TTC13: variants seen among roughly 807,000 people sequenced by gnomAD.
The protein encoded by TTC13 is tetratricopeptide repeat protein 13.
TTC13 carries 62 observed loss-of-function variants against 120.0 expected under a neutral mutation model. That is an observed-to-expected ratio of 0.52 (90% confidence interval 0.42 to 0.64). The LOEUF is 0.64. TTC13 is among the 30% of genes least tolerant of loss of function. The pLI, the probability that TTC13 is intolerant of heterozygous loss-of-function variation, is 0.00. For missense variants in TTC13, 824 were observed against 1,050.2 expected (o/e 0.78, Z 2.98); for synonymous variants, 384 against 393.5 (o/e 0.98, Z 0.28).
intron 1 of TTC13, among the ~76,000 whole-genome samples, chr1:230,977,391 G>GA (rs746522780): frequency 1.3e-5 from 2 of 152,174 alleles, no homozygotes; most frequent in Non-Finnish European, 2.9e-5. Flanking sequence ...CAGAGATACA[G>GA]AAAGTGACAG....
intron 9 of TTC13, among the ~76,000 whole-genome samples, chr1:230,932,467 C>T (rs1353135952): frequency 6.6e-6 from 1 of 152,114 alleles, no homozygotes; most frequent in African/African-American, 2.4e-5. Flanking sequence ...GGTTTAGAAA[C>T]CGGGTCTCAC....
intron 12 of TTC13, among the ~76,000 whole-genome samples, chr1:230,927,443 G>A (rs1219547701): frequency 2.6e-5 from 4 of 152,006 alleles, no homozygotes; most frequent in Admixed American, 1.3e-4. Flanking sequence ...AAAATCTCAT[G>A]AGGCCTTAAT....
rs199941027 is a variant in TTC13, at chr1:230,945,470, C to T, written c.514-16G>A. The T allele has an allele frequency of 2.0e-4, 324 of 1,612,740 alleles. No individual in the cohort carries two copies. Among genetic ancestry groups the T allele is most frequent in the Non-Finnish European group, 4.1e-5 (48 of 1,178,892 alleles). ...CAGGCTCCTCCTAGTCAGACCAAAA[C>T]AAAAACACGTCAAAAACCATAAACA... On this transcript the variant is annotated splice_polypyrimidine_tract_variant and intron_variant, in intron 4 of 22. Coordinates refer to ENST00000366661, the MANE Select transcript of TTC13 (RefSeq NM_024525.5).
At chr1:230,909,155 A>AT in intron 20 of TTC13, 135 bp from the exon 21 acceptor site, 1 of 703,472 alleles carries the variant, frequency 1.4e-6, no homozygotes, top group Non-Finnish European at 2.4e-6. Flanking sequence ...CGAATGTTTC[A>AT]TTTAACATGA....
chr1:230,923,777 C>T, intron 15 of TTC13, 64 bp downstream of exon 15: 3 of 1,404,322 alleles, frequency 2.1e-6, no homozygotes, highest in Non-Finnish European at 3.0e-6. Flanking sequence ...CTCCTGGTCT[C>T]CATGGCCTGT....
chr1:230,963,524 T>C (rs11485250), intron 1 of TTC13, among the ~76,000 whole-genome samples: 7,907 of 151,908 alleles, frequency 0.052, 384 homozygotes, highest in African/African-American at 0.13. Flanking sequence ...TAGTCCCAGC[T>C]ACCCAGAGGC....
chr1:230,938,266 G>A (rs957345054), intron 8 of TTC13, among the ~76,000 whole-genome samples: 7 of 152,254 alleles, frequency 4.6e-5, no homozygotes, highest in South Asian at 2.1e-4. Flanking sequence ...TCTCAGGCCC[G>A]TCTGTCTTCC....
chr1:230,908,834 A>G (rs761915920), intron 21 of TTC13, 43 bp from the exon 22 acceptor site: 1 of 1,608,104 alleles, frequency 6.2e-7, no homozygotes, highest in Non-Finnish European at 8.5e-7. Context: ...AACATGGAGG[A>G]CACAGGCTCG....
intron 22 of TTC13, among the ~76,000 whole-genome samples, chr1:230,908,057 A>ATGGGCTC (rs951648758): frequency 3.3e-5 from 5 of 152,132 alleles, no homozygotes; most frequent in African/African-American, 1.2e-4. Flanking sequence ...GTAATGTAAA[A>ATGGGCTC]TGGGCTCTGT....
intron 4 of TTC13, among the ~76,000 whole-genome samples, chr1:230,952,828 AT>A (rs1290939148): frequency 2.0e-5 from 3 of 152,236 alleles, no homozygotes; most frequent in Admixed American, 2.0e-4. Context: ...AAAGGCATAA[AT>A]AAAAAATTTA....
intron 4 of TTC13, among the ~76,000 whole-genome samples, chr1:230,949,202 CT>C (rs1675298301): frequency 6.7e-6 from 1 of 148,358 alleles, no homozygotes; most frequent in African/African-American, 2.5e-5. Flanking sequence ...AAAGTCAGCT[CT>C]GCTAAGCCTA....
chr1:230,956,713 T>G (rs968852256), intron 3 of TTC13, among the ~76,000 whole-genome samples: 1 of 152,144 alleles, frequency 6.6e-6, no homozygotes, highest in Non-Finnish European at 1.5e-5. Context: ...TCCCTCCACC[T>G]AAAGCTCAAC....
intron 4 of TTC13, among the ~76,000 whole-genome samples, chr1:230,953,707 T>C (rs770665052): frequency 3.3e-5 from 5 of 152,164 alleles, no homozygotes; most frequent in African/African-American, 7.2e-5. Context: ...GTGCATACAG[T>C]TGAATAATGA....
At chr1:230,954,191 A>G (rs1453699941) in intron 4 of TTC13, 142 bp downstream of exon 4, 2 of 504,684 alleles carry the variant, frequency 4.0e-6, no homozygotes, top group Admixed American at 3.8e-5. Flanking sequence ...TGGCAGCAAG[A>G]AAGTGCTCAG....
At chr1:230,950,089 CTTTA>C (rs1361659449) in intron 4 of TTC13, among the ~76,000 whole-genome samples, 12 of 152,168 alleles carry the variant, frequency 7.9e-5, no homozygotes, top group East Asian at 1.9e-4. Context: ...GTTGATACAA[CTTTA>C]TTTATTATTT....
At chr1:230,920,640 T>C (rs545200939) in intron 16 of TTC13, 46 bp from the exon 17 acceptor site, 1 of 1,130,890 alleles carries the variant, frequency 8.8e-7, no homozygotes, top group Non-Finnish European at 1.2e-6. Flanking sequence ...TAATGCAGAA[T>C]TGTAATAATT....
chr1:230,908,822 T>C (rs1265429353), intron 21 of TTC13, 31 bp from the exon 22 acceptor site: 1 of 1,609,992 alleles, frequency 6.2e-7, no homozygotes, highest in South Asian at 1.1e-5. Flanking sequence ...GGAATGTTAC[T>C]AAACATGGAG....
intron 14 of TTC13, 91 bp downstream of exon 14, chr1:230,924,750 A>C: frequency 6.7e-7 from 1 of 1,488,422 alleles, no homozygotes; most frequent in Non-Finnish European, 9.2e-7. Context: ...TTAGCAAGCA[A>C]AACAGGGTTC....
rs188998664 is a variant in TTC13 at position 230,945,521 on chromosome 1, C to T, written c.514-67G>A. On this transcript the variant is annotated intron_variant, in intron 4 of 22. Transcript: ENST00000366661. ...AAACAAAACAAAAAATCAGTTTCTG[C>T]TTAAAGCACGTTAATGCCGCAAGTG... 5.9e-3 allele frequency: 8,709 copies of T among 1,471,302 alleles called. 48 individuals carry two copies. The highest frequency in any genetic ancestry group is 6.5e-3 in the Non-Finnish European group (6,809 of 1,051,748). The allele number at this position is 1,471,302 out of a possible 1,614,324, so 91.1% of individuals were successfully genotyped here.
Sources: gnomAD v4.1 joint callset for allele counts (sites outside exome capture counted in the v4.1 genomes callset) on GRCh38, gnomAD v4.1.1 for gene constraint, MANE v1.5 for transcripts, NCBI Gene and HGNC (gene_info 2026-07-23, HGNC 2026-07-21) for gene names.